The following DYM variants were observed in gnomAD, a reference collection of about 807,000 sequenced individuals.
DYM encodes the protein dymeclin, also known as dyggve-Melchior-Clausen syndrome protein.
DYM carries 78 observed loss-of-function variants against 93.1 expected under a neutral mutation model. The observed-to-expected ratio is 0.84, with a 90% CI of 0.70 to 1.01. The LOEUF (loss-of-function observed/expected upper bound fraction) is 1.01, where lower values mean the gene tolerates loss of function less well. Among genes scored for constraint, DYM ranks in the 50% least tolerant of loss-of-function variants. The pLI, the probability that DYM is intolerant of heterozygous loss-of-function variation, is 0.00. For missense variants in DYM, 789 were observed against 845.0 expected (o/e 0.93, Z 0.82); for synonymous variants, 321 against 319.7 (o/e 1.00, Z -0.04).
chr18:49,108,207 G>T (rs833502), intron 16 of DYM, among the ~76,000 whole-genome samples: 110,622 of 152,158 alleles, frequency 0.73, 42,106 homozygotes, highest in Non-Finnish European at 0.85. Flanking sequence ...CTCCGAGCCA[G>T]GCACGGGATA....
At chr18:49,258,048 T>C (rs1277931927) in intron 12 of DYM, among the ~76,000 whole-genome samples, 1 of 152,230 alleles carries the variant, frequency 6.6e-6, no homozygotes, top group Non-Finnish European at 1.5e-5. Flanking sequence ...TCATATTTTC[T>C]TGTGCTCATA....
Position 49,430,597 on chromosome 18 carries a change from T to C in DYM, c.-53-150A>G, listed in dbSNP as rs538681076. ...ATCAGATACAAAGTTACAAGAAATA[T>C]GGGGCTAGGCCAGGCATGGTGACTC... On this transcript the variant is annotated intron_variant, in intron 1 of 17. Coordinates refer to ENST00000675505, the MANE Select transcript of DYM (RefSeq NM_001353214.3). The C allele has an allele frequency of 1.6e-4, 107 of 673,140 alleles. 1 individual carries two copies. Among genetic ancestry groups the C allele is most frequent in the Non-Finnish European group, 1.0e-4 (43 of 418,094 alleles). 41.7% of individuals were successfully genotyped at this position (673,140 alleles called of 1,614,324 possible). A position where few individuals can be genotyped will look rare whatever the true frequency, so the allele number is the denominator to read the frequency against.
chr18:49,146,319 AAC>A (rs1252036785), intron 15 of DYM, among the ~76,000 whole-genome samples: 2 of 152,240 alleles, frequency 1.3e-5, no homozygotes, highest in Non-Finnish European at 2.9e-5. Context: ...ACTCCTATTC[AAC>A]ACAGTGTTGG....
At chr18:49,194,909 G>A (rs776924170) in intron 14 of DYM, among the ~76,000 whole-genome samples, 2 of 152,044 alleles carry the variant, frequency 1.3e-5, no homozygotes, top group Non-Finnish European at 2.9e-5. Flanking sequence ...TACTATTGCA[G>A]TCATTAGCCT....
intron 2 of DYM, among the ~76,000 whole-genome samples, chr18:49,426,172 T>C (rs893092196): frequency 6.6e-6 from 1 of 151,926 alleles, no homozygotes; most frequent in African/African-American, 2.4e-5. Context: ...ATAGACTGGA[T>C]TAAGAAAATG....
intron 1 of DYM, among the ~76,000 whole-genome samples, chr18:49,446,782 G>C (rs1432679519): frequency 6.6e-6 from 1 of 152,192 alleles, no homozygotes; most frequent in African/African-American, 2.4e-5. Context: ...AGACCAGCTG[G>C]GTGCAGTGGC....
intron 15 of DYM, among the ~76,000 whole-genome samples, chr18:49,149,714 T>TTG: frequency 7.0e-6 from 1 of 143,412 alleles, no homozygotes; most frequent in East Asian, 2.0e-4. Flanking sequence ...TTTTTTTTTT[T>TTG]TTTTTTTTTT....
Position 49,073,304 on chromosome 18 carries a change from A to C in DYM, c.2025+24098T>G, listed in dbSNP as rs185824149. Among the ~76,000 whole-genome samples the C allele has an allele frequency of 4.6e-5, 7 of 152,374 alleles. No homozygotes were observed. The East Asian group carries it at 1.2e-3, about 25-fold the overall frequency. On this transcript the variant is annotated intron_variant, in intron 17 of 17. Transcript: ENST00000675505. ...ATGCCTAAAAATTTAAAAATATCTT[A>C]ACACTTTTCAAGTTAATTCAGAATT...
At chr18:49,066,398 T>C (rs1462996376) in intron 17 of DYM, among the ~76,000 whole-genome samples, 1 of 152,236 alleles carries the variant, frequency 6.6e-6, no homozygotes, top group East Asian at 1.9e-4. Flanking sequence ...TTGGATTCTT[T>C]CACTTACCAT....
intron 13 of DYM, 31 bp from the exon 14 acceptor site, chr18:49,209,746 GAA>G (rs1410805525): frequency 9.2e-6 from 11 of 1,190,426 alleles, no homozygotes; most frequent in Non-Finnish European, 1.2e-5. Context: ...GAGAGAAACA[GAA>G]AGAGAGGAGT....
At chr18:49,198,386 C>G (rs555739949) in intron 14 of DYM, among the ~76,000 whole-genome samples, 435 of 152,046 alleles carry the variant, frequency 2.9e-3, no homozygotes, top group African/African-American at 6.4e-3. Context: ...CAAATGGGAT[C>G]TAATTCAACT....
At chr18:49,406,890 C>A (rs143876958) in intron 2 of DYM, among the ~76,000 whole-genome samples, 2 of 152,206 alleles carry the variant, frequency 1.3e-5, no homozygotes, top group African/African-American at 2.4e-5. Flanking sequence ...AAAACTTGTA[C>A]ATGAATTTCA....
In DYM at chr18:49,217,850, C is replaced by T. The variant is rs911467946; in HGVS notation, c.1461-8135G>A. On this transcript the variant is annotated intron_variant, in intron 13 of 17. Coordinates refer to ENST00000675505, the MANE Select transcript of DYM (RefSeq NM_001353214.3). ...GCTGGGAAGAACCTGCATCAACTAA[C>T]GAGCAAGATAACCAGCTAACATCAT... is the stretch of plus-strand genomic sequence containing the variant. Among the ~76,000 whole-genome samples, 16 of 152,228 alleles carry T rather than the reference C, an allele frequency of 1.1e-4. No homozygotes were observed. The East Asian group carries it at 1.2e-3, about 11-fold the overall frequency.
chr18:49,375,284 T>G (rs2067401458), intron 5 of DYM, among the ~76,000 whole-genome samples: 1 of 151,054 alleles, frequency 6.6e-6, no homozygotes, highest in Non-Finnish European at 1.5e-5. Flanking sequence ...TAAACATATA[T>G]ACACATATAT....
chr18:49,098,268 A>G (rs974431255), intron 16 of DYM, among the ~76,000 whole-genome samples: 1 of 152,244 alleles, frequency 6.6e-6, no homozygotes, highest in African/African-American at 2.4e-5. Context: ...ATGCAAAAAT[A>G]TAAAAAATTA....
intron 2 of DYM, among the ~76,000 whole-genome samples, chr18:49,405,300 T>G (rs2071347042): frequency 6.6e-6 from 1 of 152,218 alleles, no homozygotes; most frequent in Non-Finnish European, 1.5e-5. Flanking sequence ...TTTCAGAACT[T>G]AGTCACAAAT....
At chr18:49,359,393 G>T (rs2065835858) in intron 6 of DYM, among the ~76,000 whole-genome samples, 1 of 152,110 alleles carries the variant, frequency 6.6e-6, no homozygotes, top group Admixed American at 6.5e-5. Flanking sequence ...ATGAAGATTA[G>T]TACCTCCGTG....
intron 17 of DYM, among the ~76,000 whole-genome samples, chr18:49,051,378 T>TA (rs1175533001): frequency 6.6e-6 from 1 of 152,146 alleles, no homozygotes; most frequent in East Asian, 1.9e-4. Context: ...GTCATAGCAT[T>TA]TCTCAGGACT....
intron 8 of DYM, among the ~76,000 whole-genome samples, chr18:49,296,144 G>A (rs2060531753): frequency 1.3e-5 from 2 of 152,110 alleles, no homozygotes; most frequent in South Asian, 4.1e-4. Context: ...GGCCAGGATG[G>A]TCTCAAACTC....
Sources: gnomAD v4.1 joint callset for allele counts (sites outside exome capture counted in the v4.1 genomes callset) on GRCh38, gnomAD v4.1.1 for gene constraint, MANE v1.5 for transcripts, NCBI Gene and HGNC (gene_info 2026-07-23, HGNC 2026-07-21) for gene names.